ULK4: variants seen among roughly 807,000 people sequenced by gnomAD.
ULK4 encodes the protein inactive serine/threonine-protein kinase ULK4.
In ULK4, 133 loss-of-function variants were observed where a neutral mutation model predicts 160.6. The ratio of observed to expected loss-of-function variants is 0.83; its 90% CI spans 0.72 to 0.96. The LOEUF (loss-of-function observed/expected upper bound fraction) is 0.96. ULK4 is among the 40% of genes least tolerant of loss of function. The pLI is 0.00. For synonymous variants in ULK4, 534 were observed against 539.8 expected (o/e 0.99, Z 0.15); for missense variants, 1,580 against 1,499.5 (o/e 1.05, Z -0.89).
At chr3:41,810,002 CT>C (rs1480054436) in intron 19 of ULK4, among the ~76,000 whole-genome samples, 1 of 152,114 alleles carries the variant, frequency 6.6e-6, no homozygotes, top group Non-Finnish European at 1.5e-5. Context: ...ATTGAAGTTC[CT>C]TTGAATTCTT....
intron 32 of ULK4, among the ~76,000 whole-genome samples, chr3:41,560,602 G>A (rs1290168670): frequency 6.6e-6 from 1 of 152,084 alleles, no homozygotes; most frequent in African/African-American, 2.4e-5. Flanking sequence ...TGGATTCCTA[G>A]GTATTTTATT....
intron 35 of ULK4, among the ~76,000 whole-genome samples, chr3:41,311,518 C>A (rs1490170130): frequency 1.3e-5 from 2 of 152,234 alleles, no homozygotes; most frequent in South Asian, 4.2e-4. Context: ...AGCTTGCAGG[C>A]AGCCTATTGT....
Position 41,912,886 on chromosome 3 carries a change from T to C in ULK4, c.817A>G (p.Arg273Gly), listed in dbSNP as rs1448523237. 1.9e-6 allele frequency: 3 copies of C among 1,613,960 alleles called. No individual in the cohort carries two copies. The highest frequency in any genetic ancestry group is 2.7e-5 in the African/African-American group (2 of 74,946). Reference protein sequence around the residue: ...RDPQKRLTWTRLLQHSFWKKA... With the variant: ...RDPQKRLTWTGLLQHSFWKKA... The stretch of plus-strand genomic sequence containing the variant: ...TTCCAAAATGAATGCTGCAGTAGCC[T>C]TGTCCAAGTCAATCTTTAAAAAACA... The change falls in exon 9 of 37, where the codon AGG becomes GGG. Residue 273 changes from arginine (R) to glycine (G), a missense_variant. Coordinates refer to ENST00000301831, the MANE Select transcript of ULK4 (RefSeq NM_017886.4).
At chr3:41,593,924 CGGGGTT>C (rs1179780867) in intron 31 of ULK4, among the ~76,000 whole-genome samples, 2 of 150,646 alleles carry the variant, frequency 1.3e-5, no homozygotes, top group Non-Finnish European at 3.0e-5. Context: ...TCCCAGCTAC[CGGGGTT>C]GGGGGAAGGG....
At chr3:41,935,350 T>G (rs748448966) in intron 4 of ULK4, among the ~76,000 whole-genome samples, 2 of 151,134 alleles carry the variant, frequency 1.3e-5, no homozygotes, top group Non-Finnish European at 2.9e-5. Flanking sequence ...CCTCAGCCTC[T>G]CAGATAGTTG....
intron 31 of ULK4, among the ~76,000 whole-genome samples, chr3:41,584,449 G>A (rs946483386): frequency 2.0e-5 from 3 of 152,030 alleles, no homozygotes; most frequent in African/African-American, 7.2e-5. Context: ...ATGCCACTAT[G>A]CTCAGCTAAT....
At position 41,681,798 on chromosome 3, in the gene ULK4, C is replaced by A; in HGVS notation, c.2788G>T (p.Asp930Tyr). Residue 930 changes from aspartate (D) to tyrosine (Y), a missense_variant, in exon 28 of 37, where the codon GAC (aspartate) becomes TAC (tyrosine). By Grantham distance (160) the Asp-to-Tyr change is radical. Coordinates refer to ENST00000301831, the MANE Select transcript of ULK4 (RefSeq NM_017886.4). ...LLKDYRSTVV[D>Y]YILPPLVSLV... ...GACACCAAGGGTGGCAGTATATAGT[C>A]AACAACCTAAAAGAAAGCATGTAAA... is the stretch of plus-strand genomic sequence containing the variant. 1 of 1,613,934 alleles carries A rather than the reference C, an allele frequency of 6.2e-7. No individual in the cohort carries two copies. Among genetic ancestry groups the A allele is most frequent in the South Asian group, 1.1e-5 (1 of 91,042 alleles).
chr3:41,354,441 G>A (rs989592880), intron 35 of ULK4, among the ~76,000 whole-genome samples: 2 of 152,312 alleles, frequency 1.3e-5, no homozygotes, highest in Non-Finnish European at 2.9e-5. Flanking sequence ...GGCTGTTTCA[G>A]ATATTTCAGT....
chr3:41,675,259 G>A (rs1296302231), intron 29 of ULK4, among the ~76,000 whole-genome samples: 7 of 151,296 alleles, frequency 4.6e-5, no homozygotes, highest in Non-Finnish European at 7.4e-5. Flanking sequence ...AAGAGAAAGT[G>A]TTTCTGAAGA....
chr3:41,568,777 T>G (rs2087871142), intron 31 of ULK4, among the ~76,000 whole-genome samples: 1 of 152,130 alleles, frequency 6.6e-6, no homozygotes, highest in South Asian at 2.1e-4. Context: ...AGCTGAGCGT[T>G]CTCTACTTCA....
At chr3:41,805,355 T>C (rs750345317) in intron 19 of ULK4, among the ~76,000 whole-genome samples, 1 of 151,740 alleles carries the variant, frequency 6.6e-6, no homozygotes. Flanking sequence ...CTTTGCTGAA[T>C]TTGCTTATCA....
chr3:41,754,269 C>A, intron 22 of ULK4, 92 bp downstream of exon 22: 4 of 1,372,872 alleles, frequency 2.9e-6, no homozygotes, highest in Admixed American at 5.0e-5. Context: ...AAAAAAATAC[C>A]AGATACACAG....
chr3:41,770,677 A>C (rs548630282), intron 21 of ULK4, among the ~76,000 whole-genome samples: 133 of 151,884 alleles, frequency 8.8e-4, no homozygotes, highest in Non-Finnish European at 1.2e-3. Context: ...CGACAGGCTA[A>C]TTTTTTTGTA....
In ULK4 at chr3:41,896,942, C is replaced by A. The variant is rs1698180180; in HGVS notation, c.1410G>T (p.Ser470=). 1 of 1,613,314 alleles carries A rather than the reference C, an allele frequency of 6.2e-7. No homozygotes were observed. Among genetic ancestry groups the A allele is most frequent in the Non-Finnish European group, 8.5e-7 (1 of 1,179,844 alleles). The change falls in exon 15 of 37, where the codon TCG becomes TCT. Residue 470 remains serine (S), a synonymous_variant. Coordinates refer to ENST00000301831, the MANE Select transcript of ULK4 (RefSeq NM_017886.4). ...TGCTCTTCTCAGTGGAGTCGATCTG[C>A]GAGCACACTTGTTGCAAAAAGTCAT... ...DWNDFLQQVC[S]QIDSTEKSMG... is the part of the protein sequence containing the mutation.
In ULK4 at chr3:41,897,018, AAAT is replaced by A; in HGVS notation, c.1349-18_1349-16del. On this transcript the variant is annotated splice_polypyrimidine_tract_variant and intron_variant, in intron 14 of 36. Transcript: ENST00000301831. ...TAACTTATCCACTGCGATGGAAAGAAAATAATAAAAGTACATATGATGAGAAAA... is the reference window on the plus strand; with the variant it reads ...TAACTTATCCACTGCGATGGAAAGAAAATAAAAGTACATATGATGAGAAAA... 2 of 1,592,114 alleles carry A rather than the reference AAAT, an allele frequency of 1.3e-6. No individual in the cohort carries two copies. The highest frequency in any genetic ancestry group is 1.7e-6 in the Non-Finnish European group (2 of 1,167,318).
intron 32 of ULK4, among the ~76,000 whole-genome samples, chr3:41,487,000 T>A (rs889094665): frequency 6.6e-6 from 1 of 152,198 alleles, no homozygotes; most frequent in South Asian, 2.1e-4. Flanking sequence ...TTATAGATAA[T>A]GTGATTGAGA....
rs187856498 is a variant in ULK4, at chr3:41,742,544, C to A, written c.2321+11817G>T. Among the ~76,000 whole-genome samples, 169 of 151,968 alleles carry A rather than the reference C, an allele frequency of 1.1e-3. 4 individuals carry two copies. The highest frequency in any genetic ancestry group is 3.9e-3 in the African/African-American group (163 of 41,278). ...ACAGAGCAAGATGAGGACTCAAGACCTAGGCAAAATGTCCAGGACGTATTC... is the reference window on the plus strand; with the variant it reads ...ACAGAGCAAGATGAGGACTCAAGACATAGGCAAAATGTCCAGGACGTATTC... On this transcript the variant is annotated intron_variant, in intron 22 of 36. Coordinates refer to ENST00000301831, the MANE Select transcript of ULK4 (RefSeq NM_017886.4).
chr3:41,500,791 C>G (rs73828090), intron 32 of ULK4, among the ~76,000 whole-genome samples: 2 of 152,082 alleles, frequency 1.3e-5, no homozygotes, highest in East Asian at 1.9e-4. Context: ...AGGCTCATGC[C>G]GGTCATATTA....
chr3:41,686,104 C>T (rs968611181), intron 27 of ULK4, among the ~76,000 whole-genome samples: 7 of 152,014 alleles, frequency 4.6e-5, no homozygotes, highest in Admixed American at 1.3e-4. Context: ...TCTAGACCAA[C>T]GTGTAAACAG....
Sources: gnomAD v4.1 joint callset for allele counts (sites outside exome capture counted in the v4.1 genomes callset) on GRCh38, gnomAD v4.1.1 for gene constraint, MANE v1.5 for transcripts, NCBI Gene and HGNC (gene_info 2026-07-23, HGNC 2026-07-21) for gene names.